The following MAML3 variants were observed in gnomAD, a reference collection of about 807,000 sequenced individuals.
MAML3 encodes mastermind like transcriptional coactivator 3.
In MAML3, 27 loss-of-function variants were observed where a neutral mutation model predicts 101.9. The ratio of observed to expected loss-of-function variants is 0.27; its 90% CI spans 0.20 to 0.37. The LOEUF is 0.37. Among genes scored for constraint, MAML3 ranks in the 10% least tolerant of loss-of-function variants. MAML3 has a pLI of 1.00. For synonymous variants in MAML3, 501 were observed against 555.9 expected (o/e 0.90, Z 1.39); for missense variants, 1,316 against 1,444.9 (o/e 0.91, Z 1.45).
At chr4:139,723,903 G>A (rs1361547750) in intron 4 of MAML3, among the ~76,000 whole-genome samples, 1 of 152,156 alleles carries the variant, frequency 6.6e-6, no homozygotes, top group Non-Finnish European at 1.5e-5. Context: ...CAGATTTACT[G>A]AATCAGAAAC....
At chr4:140,103,699 C>T (rs889948348) in intron 1 of MAML3, among the ~76,000 whole-genome samples, 1 of 152,166 alleles carries the variant, frequency 6.6e-6, no homozygotes, top group East Asian at 1.9e-4. Context: ...AATCATTCTA[C>T]AACAAATATG....
chr4:139,750,321 T>C (rs945214472), intron 2 of MAML3, among the ~76,000 whole-genome samples: 1 of 152,216 alleles, frequency 6.6e-6, no homozygotes, highest in African/African-American at 2.4e-5. Flanking sequence ...GGTCACTCTC[T>C]AGCTTCAATA....
chr4:139,826,405 C>T (rs572000793), intron 2 of MAML3, among the ~76,000 whole-genome samples: 358 of 152,158 alleles, frequency 2.4e-3, no homozygotes, highest in Admixed American at 5.9e-3. Flanking sequence ...TATTCACCTG[C>T]TGGGTGAACA....
intron 1 of MAML3, among the ~76,000 whole-genome samples, chr4:140,023,554 G>C (rs1726771848): frequency 6.6e-6 from 1 of 152,196 alleles, no homozygotes; most frequent in Non-Finnish European, 1.5e-5. Flanking sequence ...GATATGTGGA[G>C]GGAGGAAATT....
chr4:139,839,155 C>T (rs1255888644), intron 2 of MAML3, among the ~76,000 whole-genome samples: 1 of 152,140 alleles, frequency 6.6e-6, no homozygotes, highest in Admixed American at 6.5e-5. Flanking sequence ...TGGCATCATT[C>T]CTCATCAGAG....
At chr4:139,729,653 C>T (rs1002790705) in intron 3 of MAML3, among the ~76,000 whole-genome samples, 2 of 152,092 alleles carry the variant, frequency 1.3e-5, no homozygotes, top group African/African-American at 4.8e-5. Flanking sequence ...CAGCCTCAGG[C>T]CTTTCCCTAG....
chr4:139,938,467 AC>A lies in MAML3; in HGVS notation c.469-47501del, dbSNP rs1733546242. On this transcript the variant is annotated intron_variant, in intron 1 of 4. Transcript: ENST00000509479. ...AAGGCTTTTTACACTCATTCAAGCC[AC>A]CTCTAGATCAGACAATCAGAAAACA... Among the ~76,000 whole-genome samples, 4 of 152,226 alleles carry A rather than the reference AC, an allele frequency of 2.6e-5. No homozygotes were observed. The South Asian group carries it at 8.3e-4, about 31-fold the overall frequency.
intron 1 of MAML3, among the ~76,000 whole-genome samples, chr4:140,098,797 G>A (rs968637565): frequency 3.3e-5 from 5 of 152,194 alleles, no homozygotes; most frequent in African/African-American, 1.2e-4. Flanking sequence ...CCAGGGTTTA[G>A]ACAGAAATAG....
At chr4:139,968,448 T>C (rs920111756) in intron 1 of MAML3, among the ~76,000 whole-genome samples, 7 of 152,194 alleles carry the variant, frequency 4.6e-5, no homozygotes, top group African/African-American at 1.7e-4. Flanking sequence ...TGCTTTATCT[T>C]AGTGCCTCAG....
chr4:140,010,323 A>C (rs540857387), intron 1 of MAML3, among the ~76,000 whole-genome samples: 35 of 152,296 alleles, frequency 2.3e-4, no homozygotes, highest in Admixed American at 2.2e-3. Context: ...GGTGACTGGA[A>C]ATTTGTACCA....
intron 1 of MAML3, among the ~76,000 whole-genome samples, chr4:140,110,868 A>G (rs1397853086): frequency 1.3e-5 from 2 of 152,222 alleles, no homozygotes; most frequent in Non-Finnish European, 2.9e-5. Flanking sequence ...CTTTGTGGTT[A>G]GCATAAAATA....
intron 1 of MAML3, among the ~76,000 whole-genome samples, chr4:140,023,868 C>T (rs1269071518): frequency 6.6e-6 from 1 of 152,188 alleles, no homozygotes; most frequent in Admixed American, 6.5e-5. Context: ...ATATTACTGT[C>T]ACACAGTTTC....
chr4:140,007,379 T>A (rs1301287197), intron 1 of MAML3, among the ~76,000 whole-genome samples: 1 of 152,214 alleles, frequency 6.6e-6, no homozygotes, highest in Non-Finnish European at 1.5e-5. Context: ...ATAATCTTTA[T>A]TACAGCTTTT....
intron 2 of MAML3, among the ~76,000 whole-genome samples, chr4:139,863,842 T>G (rs945057920): frequency 1.0e-4 from 6 of 59,892 alleles, no homozygotes; most frequent in Non-Finnish European, 1.4e-4. Flanking sequence ...GTTTTTTTTT[T>G]TTTTTTTTTT....
chr4:139,879,332 C>T (rs1423183617), intron 2 of MAML3, among the ~76,000 whole-genome samples: 2 of 151,648 alleles, frequency 1.3e-5, no homozygotes, highest in East Asian at 1.9e-4. Flanking sequence ...TCGAGACCAG[C>T]CTGGCCAACA....
chr4:139,919,731 A>G (rs1212067321), intron 1 of MAML3, among the ~76,000 whole-genome samples: 1 of 152,212 alleles, frequency 6.6e-6, no homozygotes, highest in Admixed American at 6.5e-5. Flanking sequence ...GGTCTAGTTT[A>G]CTATTTATAA....
At chr4:139,789,773 T>G (rs1434402627) in intron 2 of MAML3, among the ~76,000 whole-genome samples, 1 of 152,174 alleles carries the variant, frequency 6.6e-6, no homozygotes, top group Non-Finnish European at 1.5e-5. Flanking sequence ...AGTTGTTTTT[T>G]GTTTGTTTGT....
chr4:139,851,738 A>G (rs1187210662), intron 2 of MAML3, among the ~76,000 whole-genome samples: 3 of 152,238 alleles, frequency 2.0e-5, no homozygotes, highest in African/African-American at 7.2e-5. Flanking sequence ...AAACATGGCT[A>G]TGCTTGCAGA....
chr4:139,931,927 G>A (rs1340005274), intron 1 of MAML3, among the ~76,000 whole-genome samples: 1 of 152,022 alleles, frequency 6.6e-6, no homozygotes, highest in Non-Finnish European at 1.5e-5. Context: ...GCTGAGGGAG[G>A]AGAATTGCTT....
Sources: gnomAD v4.1 joint callset for allele counts (sites outside exome capture counted in the v4.1 genomes callset) on GRCh38, gnomAD v4.1.1 for gene constraint, MANE v1.5 for transcripts, NCBI Gene and HGNC (gene_info 2026-07-23, HGNC 2026-07-21) for gene names.